The following C2orf76 variants were observed in gnomAD, a reference collection of about 807,000 sequenced individuals.
C2orf76 encodes chromosome 2 open reading frame 76.
A neutral mutation model predicts 16.9 loss-of-function variants in C2orf76; 23 were observed. The observed-to-expected ratio is 1.36, with a 90% CI of 0.98 to 1.93. The LOEUF is 1.93. C2orf76 is among the 30% of genes most tolerant of loss of function. C2orf76 has a pLI of 0.00. For missense variants in C2orf76, 152 were observed against 152.6 expected, an observed-to-expected ratio of 1.00 and a Z score of 0.02; for synonymous variants, 48 against 52.3, an observed-to-expected ratio of 0.92 and a Z score of 0.35.
the C2orf76 span, among the ~76,000 whole-genome samples, chr2:119,296,195 G>A: frequency 6.6e-6 from 1 of 152,188 alleles, no homozygotes; most frequent in Non-Finnish European, 1.5e-5. Flanking sequence ...GGCTTCACGT[G>A]AGAGATGGGT....
At chr2:119,313,663 T>C (rs1169161440) in intron 4 of C2orf76, among the ~76,000 whole-genome samples, 3 of 152,112 alleles carry the variant, frequency 2.0e-5, no homozygotes, top group Non-Finnish European at 2.9e-5. Context: ...CATATATGAA[T>C]AGAAAGTGAA....
chr2:119,360,202 C>T (rs1398430081), intron 1 of C2orf76, among the ~76,000 whole-genome samples: 4 of 152,098 alleles, frequency 2.6e-5, no homozygotes, highest in African/African-American at 7.2e-5. Context: ...CATTTGAGGC[C>T]AGGCACGGTG....
chr2:119,361,741 C>T (rs1015640543), intron 1 of C2orf76, among the ~76,000 whole-genome samples: 3 of 152,180 alleles, frequency 2.0e-5, no homozygotes, highest in Admixed American at 2.0e-4. Context: ...AGGGTTCAGG[C>T]CTCCATTGGG....
intron 5 of C2orf76, 150 bp downstream of exon 5, chr2:119,311,472 T>G (rs560279729): frequency 1.4e-6 from 2 of 1,418,294 alleles, no homozygotes; most frequent in South Asian, 3.2e-5. Flanking sequence ...CACATCATTC[T>G]CATCCTCCTC....
At chr2:119,284,983 G>A in the C2orf76 span, among the ~76,000 whole-genome samples, 1 of 152,194 alleles carries the variant, frequency 6.6e-6, no homozygotes, top group Non-Finnish European at 1.5e-5. Flanking sequence ...AGAAGGGGAT[G>A]TAATATCTGT....
chr2:119,306,909 C>T (rs1678807930), intron 5 of C2orf76, among the ~76,000 whole-genome samples: 1 of 151,942 alleles, frequency 6.6e-6, no homozygotes, highest in African/African-American at 2.4e-5. Context: ...CTTTTTTTCC[C>T]CTAATTTCCC....
intron 3 of C2orf76, 33 bp from the exon 4 acceptor site, chr2:119,317,536 A>C (rs375290735): frequency 6.4e-7 from 1 of 1,555,500 alleles, no homozygotes; most frequent in African/African-American, 1.4e-5. Context: ...CTTTTTACAC[A>C]GTTTATTCTA....
intron 1 of C2orf76, among the ~76,000 whole-genome samples, chr2:119,363,722 A>T (rs1177923918): frequency 6.6e-6 from 1 of 152,210 alleles, no homozygotes; most frequent in Non-Finnish European, 1.5e-5. Flanking sequence ...AAATGCTTTC[A>T]CTTATTAATA....
At chr2:119,293,213 G>C in the C2orf76 span, among the ~76,000 whole-genome samples, 1 of 152,174 alleles carries the variant, frequency 6.6e-6, no homozygotes, top group Non-Finnish European at 1.5e-5. Context: ...GTAAAACAGA[G>C]ATAGACAAAT....
At chr2:119,300,295 C>T (rs1328005520), downstream of C2orf76, among the ~76,000 whole-genome samples, 1 of 152,228 alleles carries the variant, frequency 6.6e-6, no homozygotes, top group African/African-American at 2.4e-5. Flanking sequence ...CCTCCTCTTC[C>T]CCTCGGCCCC....
chr2:119,327,113 C>G lies in C2orf76; in HGVS notation c.134-5909G>C, dbSNP rs547251374. ...AATGTTGAATAGCAGTGATGATGAA[C>G]AGATGTCCCTGCTTCCTTATTTTAG... On this transcript the variant is annotated intron_variant, in intron 2 of 5. Transcript: ENST00000334816. 1.1e-4 allele frequency among the ~76,000 whole-genome samples: 16 copies of G among 152,254 alleles called. No homozygotes were observed. In the South Asian group the frequency reaches 3.1e-3, roughly 30 times the overall value.
chr2:119,321,194 T>TGAG lies in C2orf76; in HGVS notation c.143_144insCTC (p.Leu48delinsPheSer). ...TGAATGGTGGTGGCAGGTTGGTCCT[T>TGAG]AAAGGGATATCTACAAGAGAAAGAT... On this transcript the variant is annotated protein_altering_variant, in exon 3 of 6. Transcript: ENST00000334816. The TGAG allele has an allele frequency of 2.1e-6, 3 of 1,435,782 alleles. No individual in the cohort carries two copies. Among genetic ancestry groups the TGAG allele is most frequent in the Non-Finnish European group, 2.8e-6 (3 of 1,052,966 alleles). The allele number at this position is 1,435,782 out of a possible 1,614,324, so 88.9% of individuals were successfully genotyped here.
At chr2:119,281,854 C>T in the C2orf76 span, among the ~76,000 whole-genome samples, 53 of 152,222 alleles carry the variant, frequency 3.5e-4, no homozygotes, top group African/African-American at 1.2e-3. Flanking sequence ...CTCTTCCTCA[C>T]TCAACCAGAA....
At chr2:119,336,714 A>C (rs1252337105) in intron 2 of C2orf76, among the ~76,000 whole-genome samples, 1 of 152,174 alleles carries the variant, frequency 6.6e-6, no homozygotes, top group Non-Finnish European at 1.5e-5. Flanking sequence ...AAAGAAAGGC[A>C]ATAAAGTGTG....
chr2:119,287,763 G>C, the C2orf76 span, among the ~76,000 whole-genome samples: 2 of 152,164 alleles, frequency 1.3e-5, no homozygotes, highest in Non-Finnish European at 2.9e-5. Flanking sequence ...ACTCCTGAAG[G>C]AAGAGGTTAG....
At chr2:119,297,355 GCATAA>G (rs1389337907), downstream of C2orf76, among the ~76,000 whole-genome samples, 3 of 152,152 alleles carry the variant, frequency 2.0e-5, no homozygotes, top group Non-Finnish European at 2.9e-5. Context: ...GCTTTGAAAT[GCATAA>G]CATGACAATG....
chr2:119,352,781 C>G (rs903263786), intron 1 of C2orf76, among the ~76,000 whole-genome samples: 2 of 152,144 alleles, frequency 1.3e-5, no homozygotes, highest in African/African-American at 4.8e-5. Flanking sequence ...GATTCTCTCT[C>G]TCATTATAGA....
intron 5 of C2orf76, among the ~76,000 whole-genome samples, chr2:119,305,709 C>T (rs946611961): frequency 6.6e-6 from 1 of 152,144 alleles, no homozygotes; most frequent in East Asian, 1.9e-4. Context: ...CCCTCTCTCC[C>T]GCTCTAGGAG....
At chr2:119,326,847 T>C (rs902507046) in intron 2 of C2orf76, among the ~76,000 whole-genome samples, 25 of 152,220 alleles carry the variant, frequency 1.6e-4, no homozygotes, top group Non-Finnish European at 2.6e-4. Context: ...AGTTTCCCAC[T>C]GTATATTGCT....
Sources: allele counts gnomAD v4.1 joint callset (sites outside exome capture counted in the v4.1 genomes callset), GRCh38; gene constraint gnomAD v4.1.1; transcripts MANE v1.5; gene names NCBI Gene and HGNC (gene_info 2026-07-23, HGNC 2026-07-21).